The following DNAH7 variants were observed in gnomAD, a reference collection of about 807,000 sequenced individuals.
DNAH7 encodes dynein axonemal heavy chain 7, also known as axonemal beta dynein heavy chain 7.
DNAH7 carries 397 observed loss-of-function variants against 444.6 expected under a neutral mutation model. That is an observed-to-expected ratio of 0.89 (90% CI 0.82 to 0.97). The LOEUF is 0.97. Ranked by LOEUF, DNAH7 falls within the 50% of genes least tolerant of loss-of-function variation. The pLI, the probability that DNAH7 is intolerant of heterozygous loss-of-function variation, is 0.00. For missense variants in DNAH7, 4,902 were observed against 4,800.8 expected (o/e 1.02, Z -0.62); for synonymous variants, 1,636 against 1,624.4 (o/e 1.01, Z -0.17).
At chr2:195,806,906 C>T (rs1422266175) in intron 53 of DNAH7, 74 bp from the exon 54 acceptor site, 4 of 1,096,170 alleles carry the variant, frequency 3.6e-6, no homozygotes, top group Non-Finnish European at 5.3e-6. Flanking sequence ...TATAAACCAA[C>T]TTTTAGAATA....
intron 24 of DNAH7, among the ~76,000 whole-genome samples, chr2:195,914,385 A>G (rs1368726904): frequency 6.6e-6 from 1 of 152,260 alleles, no homozygotes; most frequent in Non-Finnish European, 1.5e-5. Flanking sequence ...TGTAAAATCT[A>G]TAAAGACTTC....
chr2:196,043,078 G>T (rs1009607951), intron 5 of DNAH7, among the ~76,000 whole-genome samples: 1 of 152,084 alleles, frequency 6.6e-6, no homozygotes, highest in Non-Finnish European at 1.5e-5. Flanking sequence ...TAATTGAAAC[G>T]GGCAAGTGGA....
At chr2:196,043,077 C>T (rs773518306) in intron 5 of DNAH7, among the ~76,000 whole-genome samples, 18 of 152,116 alleles carry the variant, frequency 1.2e-4, no homozygotes, top group Non-Finnish European at 1.9e-4. Flanking sequence ...TTAATTGAAA[C>T]GGGCAAGTGG....
At chr2:195,796,147 C>G (rs1340084446) in intron 56 of DNAH7, among the ~76,000 whole-genome samples, 1 of 152,134 alleles carries the variant, frequency 6.6e-6, no homozygotes, top group African/African-American at 2.4e-5. Context: ...GGTAACTGGC[C>G]AAGTGGGAGA....
chr2:195,740,620 TATATATATATATATATATATATATAC>T (rs1450356122), intron 64 of DNAH7, 120 bp downstream of exon 64: 1 of 51,742 alleles, frequency 1.9e-5, no homozygotes, highest in Non-Finnish European at 3.6e-5. Flanking sequence ...TGTGTGTATA[TATATATATATATATATATATATATAC>T]ATATACACAC....
chr2:195,992,614 T>C (rs1181428116), intron 12 of DNAH7, among the ~76,000 whole-genome samples: 2 of 152,248 alleles, frequency 1.3e-5, no homozygotes, highest in African/African-American at 2.4e-5. Context: ...GCACATAGCA[T>C]TTCAATTTAA....
rs528141354 is a variant in DNAH7, at chr2:195,917,819, C to T, written c.3935+4269G>A. On this transcript the variant is annotated intron_variant, in intron 24 of 64. Coordinates refer to ENST00000312428, the MANE Select transcript of DNAH7 (RefSeq NM_018897.3). ...AAAGGTGTGCACCACCATACTTGACCATTTTTTGTTTGTTTGTTTTACATT... is the reference window on the plus strand; with the variant it reads ...AAAGGTGTGCACCACCATACTTGACTATTTTTTGTTTGTTTGTTTTACATT... 1.1e-3 allele frequency among the ~76,000 whole-genome samples: 168 copies of T among 152,208 alleles called. 2 individuals carry two copies. The highest frequency in any genetic ancestry group is 3.9e-3 in the African/African-American group (160 of 41,532).
Position 195,950,759 on chromosome 2 carries a change from G to A in DNAH7, c.3078+6502C>T, listed in dbSNP as rs564100279. 2.7e-5 allele frequency among the ~76,000 whole-genome samples: 4 copies of A among 146,378 alleles called. No homozygotes were observed. The South Asian group carries it at 6.7e-4, about 24-fold the overall frequency. ...CCCAGCTACTCGGAAGGCTAAGGTG[G>A]GAGAATGGCGTGAACCCAGGAGGCG... On this transcript the variant is annotated intron_variant, in intron 19 of 64. Coordinates refer to ENST00000312428, the MANE Select transcript of DNAH7 (RefSeq NM_018897.3).
intron 25 of DNAH7, among the ~76,000 whole-genome samples, chr2:195,907,822 C>A (rs1373492218): frequency 6.6e-6 from 1 of 152,042 alleles, no homozygotes; most frequent in African/African-American, 2.4e-5. Context: ...GGATTGTACA[C>A]GAACTCTATG....
At chr2:195,869,268 C>T (rs1420438061) in intron 40 of DNAH7, among the ~76,000 whole-genome samples, 1 of 151,670 alleles carries the variant, frequency 6.6e-6, no homozygotes, top group African/African-American at 2.4e-5. Flanking sequence ...TGTGGTTCCA[C>T]CCCAGTGCAC....
In DNAH7 at chr2:195,931,085, C is replaced by T. The variant is rs535724355; in HGVS notation, c.3471+3506G>A. Among the ~76,000 whole-genome samples the T allele has an allele frequency of 3.0e-4, 45 of 152,218 alleles. 1 individual carries two copies. In the South Asian group the frequency reaches 7.7e-3, roughly 26 times the overall value. ...GATATACTAACTATTGGGTACTATGCTCAGTACCTGGGTGATGGGATCAAT... is the reference window on the plus strand; with the variant it reads ...GATATACTAACTATTGGGTACTATGTTCAGTACCTGGGTGATGGGATCAAT... On this transcript the variant is annotated intron_variant, in intron 21 of 64. Coordinates refer to ENST00000312428, the MANE Select transcript of DNAH7 (RefSeq NM_018897.3).
chr2:195,914,273 A>C lies in DNAH7; in HGVS notation c.3936-4078T>G, dbSNP rs1205745560. ...TATGTGGTATATAGTAGCTAATCAA[A>C]ATTGCTTCTTGGATTGATAGGTGAA... is the stretch of plus-strand genomic sequence containing the variant. On this transcript the variant is annotated intron_variant, in intron 24 of 64. Transcript: ENST00000312428. Among the ~76,000 whole-genome samples, 3 of 152,216 alleles carry C rather than the reference A, an allele frequency of 2.0e-5. No individual in the cohort carries two copies. In the East Asian group the frequency reaches 5.8e-4, roughly 29 times the overall value.
At chr2:195,965,106 G>A (rs1691385836) in intron 17 of DNAH7, among the ~76,000 whole-genome samples, 1 of 152,086 alleles carries the variant, frequency 6.6e-6, no homozygotes, top group African/African-American at 2.4e-5. Flanking sequence ...CTGTGGGTCT[G>A]TCTTTTATGG....
At chr2:195,897,432 T>G (rs779949942) in intron 29 of DNAH7, among the ~76,000 whole-genome samples, 12 of 152,194 alleles carry the variant, frequency 7.9e-5, no homozygotes, top group Non-Finnish European at 1.6e-4. Context: ...GTAACTTTCA[T>G]GTGCCCATTA....
intron 12 of DNAH7, among the ~76,000 whole-genome samples, chr2:195,988,569 TATAC>T (rs1414597501): frequency 2.6e-5 from 4 of 152,128 alleles, no homozygotes; most frequent in Non-Finnish European, 4.4e-5. Flanking sequence ...TTCACATAAT[TATAC>T]ATATTTATGG....
At position 195,834,221 on chromosome 2, in the gene DNAH7, G is replaced by C; in HGVS notation, c.9085C>G (p.Gln3029Glu). Residue 3029 changes from glutamine (Q) to glutamate (E), a missense_variant, in exon 48 of 65, where the codon CAG becomes GAG. Physicochemically the swap from Gln to Glu is conservative, Grantham distance 29. Transcript: ENST00000312428. The part of the protein sequence containing the change: ...DYVRTLENCI[Q>E]FGTPVLLENV... ...AACTACATACCAGGAGTACCAAACTGGATGCAATTTTCCAGAGTCCTGACA... is the reference window on the plus strand; with the variant it reads ...AACTACATACCAGGAGTACCAAACTCGATGCAATTTTCCAGAGTCCTGACA... The C allele has an allele frequency of 6.2e-7, 1 of 1,605,590 alleles. No homozygotes were observed. The highest frequency in any genetic ancestry group is 1.1e-5 in the South Asian group (1 of 90,218).
At chr2:195,745,741 A>G (rs1020519000) in intron 63 of DNAH7, among the ~76,000 whole-genome samples, 4 of 152,214 alleles carry the variant, frequency 2.6e-5, no homozygotes, top group African/African-American at 9.6e-5. Context: ...TTTCATATCC[A>G]GCCAAACTAA....
chr2:195,759,186 C>T (rs1694226483), intron 61 of DNAH7, among the ~76,000 whole-genome samples: 1 of 152,150 alleles, frequency 6.6e-6, no homozygotes, highest in African/African-American at 2.4e-5. Flanking sequence ...CTTTGTCTTG[C>T]AACTTGGGGG....
At chr2:195,810,574 G>T (rs1018388818) in intron 51 of DNAH7, among the ~76,000 whole-genome samples, 1 of 150,428 alleles carries the variant, frequency 6.6e-6, no homozygotes, top group Non-Finnish European at 1.5e-5. Context: ...ACCATGCCTG[G>T]CTAATTTTGG....
Sources: gnomAD v4.1 joint callset for allele counts (sites outside exome capture counted in the v4.1 genomes callset) on GRCh38, gnomAD v4.1.1 for gene constraint, MANE v1.5 for transcripts, NCBI Gene and HGNC (gene_info 2026-07-23, HGNC 2026-07-21) for gene names.